The following GABBR2 variants were observed in gnomAD, a reference collection of about 807,000 sequenced individuals.
GABBR2 encodes G-protein coupled receptor 51.
GABBR2 carries 23 observed loss-of-function variants against 105.6 expected under a neutral mutation model. The observed-to-expected ratio is 0.22, with a 90% CI of 0.16 to 0.31. The LOEUF (loss-of-function observed/expected upper bound fraction) is 0.31. Ranked by LOEUF, GABBR2 falls within the 10% of genes least tolerant of loss-of-function variation. The pLI is 1.00. For synonymous variants in GABBR2, 478 were observed against 499.7 expected, an observed-to-expected ratio of 0.96 and a Z score of 0.58; for missense variants, 734 against 1,245.5, an observed-to-expected ratio of 0.59 and a Z score of 6.18.
Position 98,306,076 on chromosome 9 carries a change from T to G in GABBR2, c.2229+45A>C. ...AGAAAAGCCAGCAATGCCCCTGTGCTGGAGTCAGAGGGCAGAGGCCAGGTG... is the reference window on the plus strand; with the variant it reads ...AGAAAAGCCAGCAATGCCCCTGTGCGGGAGTCAGAGGGCAGAGGCCAGGTG... On this transcript the variant is annotated intron_variant, in intron 15 of 18. Coordinates refer to ENST00000259455, the MANE Select transcript of GABBR2 (RefSeq NM_005458.8). This position sits in a 1 kb window ranked among gnomAD's most constrained non-coding sequence, Gnocchi z 5.4. 2.3e-6 allele frequency: 3 copies of G among 1,333,300 alleles called. No homozygotes were observed. The highest frequency in any genetic ancestry group is 1.2e-5 in the South Asian group (1 of 83,942). 82.6% of individuals were successfully genotyped at this position (1,333,300 alleles called of 1,614,324 possible). A position where few individuals can be genotyped will look rare whatever the true frequency, so the allele number is the denominator to read the frequency against.
chr9:98,682,366 CTTTTTTTTTTTTTTT>C (rs58885676), intron 1 of GABBR2, among the ~76,000 whole-genome samples: 15 of 52,228 alleles, frequency 2.9e-4, no homozygotes, highest in Non-Finnish European at 4.7e-4. Flanking sequence ...ATTTTACCAT[CTTTTTTTTTTTTTTT>C]TTTTTTTTTT....
intron 2 of GABBR2, among the ~76,000 whole-genome samples, chr9:98,567,816 C>G (rs530228084): frequency 6.6e-6 from 1 of 152,132 alleles, no homozygotes; most frequent in Non-Finnish European, 1.5e-5. Flanking sequence ...CCCGGAGCTT[C>G]GGAATTCCAG....
chr9:98,415,791 A>C (rs926585981), intron 7 of GABBR2, among the ~76,000 whole-genome samples: 1 of 152,200 alleles, frequency 6.6e-6, no homozygotes, highest in African/African-American at 2.4e-5. Context: ...GGGTCACATA[A>C]CGAGTAGGCA....
chr9:98,690,318 G>A lies in GABBR2; in HGVS notation c.321+18099C>T, dbSNP rs79998170. Among the ~76,000 whole-genome samples, 489 of 152,194 alleles carry A rather than the reference G, an allele frequency of 3.2e-3. 10 individuals are homozygous for A. In the East Asian group the frequency reaches 0.039, roughly 12 times the overall value. ...ACCAAGCCTTCCAAGATCCAACCCC[G>A]TATTCTGAACACATCCTTCCTTTCC... is the stretch of plus-strand genomic sequence containing the variant. On this transcript the variant is annotated intron_variant, in intron 1 of 18. Coordinates refer to ENST00000259455, the MANE Select transcript of GABBR2 (RefSeq NM_005458.8).
intron 3 of GABBR2, among the ~76,000 whole-genome samples, chr9:98,498,904 C>A (rs1005096301): frequency 6.6e-6 from 1 of 152,244 alleles, no homozygotes; most frequent in Non-Finnish European, 1.5e-5. Flanking sequence ...GGAAAACATG[C>A]ACATGTGGCC....
At chr9:98,485,769 G>A (rs557338068) in intron 4 of GABBR2, among the ~76,000 whole-genome samples, 21 of 152,180 alleles carry the variant, frequency 1.4e-4, no homozygotes, top group Non-Finnish European at 1.5e-5. Context: ...CTTCCCAGGT[G>A]CAGTCCCCTC....
intron 2 of GABBR2, among the ~76,000 whole-genome samples, chr9:98,549,877 C>T (rs775342051): frequency 2.6e-5 from 4 of 152,186 alleles, no homozygotes; most frequent in Non-Finnish European, 4.4e-5. Flanking sequence ...ACCCAATCTA[C>T]GACCAGACCA....
chr9:98,515,408 A>T (rs111387572), intron 3 of GABBR2, among the ~76,000 whole-genome samples: 71 of 152,276 alleles, frequency 4.7e-4, no homozygotes, highest in African/African-American at 1.7e-3. Context: ...CTTTTCTGAG[A>T]CCCTGGGAAA....
At chr9:98,557,708 T>C (rs1321660888) in intron 2 of GABBR2, among the ~76,000 whole-genome samples, 1 of 152,220 alleles carries the variant, frequency 6.6e-6, no homozygotes, top group African/African-American at 2.4e-5. Flanking sequence ...CAGATGACTA[T>C]TTTATACCCT....
At chr9:98,415,259 C>T (rs1832667633) in intron 7 of GABBR2, among the ~76,000 whole-genome samples, 1 of 151,890 alleles carries the variant, frequency 6.6e-6, no homozygotes, top group Non-Finnish European at 1.5e-5. Flanking sequence ...ATTTTAATAA[C>T]AAGAAAACTT....
intron 1 of GABBR2, among the ~76,000 whole-genome samples, chr9:98,581,571 C>G (rs1309162808): frequency 6.6e-6 from 1 of 151,964 alleles, no homozygotes; most frequent in African/African-American, 2.4e-5. Context: ...CTGGGGCCCT[C>G]TATTAATTAT....
At chr9:98,491,709 CTCT>C (rs775455513) in intron 4 of GABBR2, among the ~76,000 whole-genome samples, 1 of 152,204 alleles carries the variant, frequency 6.6e-6, no homozygotes, top group African/African-American at 2.4e-5. Context: ...AAAAATTCAT[CTCT>C]TCTTAGGCCT....
chr9:98,672,565 C>A (rs1830420580), intron 1 of GABBR2, among the ~76,000 whole-genome samples: 2 of 152,248 alleles, frequency 1.3e-5, no homozygotes, highest in Non-Finnish European at 2.9e-5. Flanking sequence ...GCACAGCATT[C>A]TGCTGAAGCC....
chr9:98,680,610 CTAT>C (rs1482878775), intron 1 of GABBR2, among the ~76,000 whole-genome samples: 3 of 152,090 alleles, frequency 2.0e-5, no homozygotes, highest in African/African-American at 7.2e-5. Flanking sequence ...TGCCCGGCCT[CTAT>C]TATTATTTTT....
At chr9:98,706,351 C>G (rs897299633) in intron 1 of GABBR2, among the ~76,000 whole-genome samples, 1 of 152,196 alleles carries the variant, frequency 6.6e-6, no homozygotes, top group South Asian at 2.1e-4. Context: ...ACCAGTTTCT[C>G]ACTAAAACCC....
chr9:98,704,424 G>A (rs1830868798), intron 1 of GABBR2, among the ~76,000 whole-genome samples: 1 of 152,118 alleles, frequency 6.6e-6, no homozygotes, highest in South Asian at 2.1e-4. Context: ...AGTAACACAT[G>A]AGAAAACATA....
Position 98,436,339 on chromosome 9 carries a change from C to T in GABBR2, c.1236+17642G>A, listed in dbSNP as rs1223426899. On this transcript the variant is annotated intron_variant, in intron 7 of 18. Coordinates refer to ENST00000259455, the MANE Select transcript of GABBR2 (RefSeq NM_005458.8). ...TACCATATATATATATATACACACA[C>T]ACACACACCATATATATATATATAT... Among the ~76,000 whole-genome samples, 92 of 68,342 alleles carry T rather than the reference C, an allele frequency of 1.3e-3. 6 individuals are homozygous for T. Among genetic ancestry groups the T allele is most frequent in the East Asian group, 8.3e-3 (9 of 1,084 alleles). The allele number at this position is 68,342 out of a possible 152,430, so 44.8% of individuals were successfully genotyped here. A position where few individuals can be genotyped will look rare whatever the true frequency, so the allele number is the denominator to read the frequency against.
intron 7 of GABBR2, among the ~76,000 whole-genome samples, chr9:98,449,601 C>T (rs977683403): frequency 6.6e-5 from 10 of 152,188 alleles, no homozygotes; most frequent in African/African-American, 1.2e-4. Flanking sequence ...ATGAAGCGCC[C>T]TGGAAGATTC....
chr9:98,336,736 T>C (rs998523637), intron 13 of GABBR2, among the ~76,000 whole-genome samples: 1 of 152,126 alleles, frequency 6.6e-6, no homozygotes, highest in Non-Finnish European at 1.5e-5. Context: ...GAATGGCAGA[T>C]GTAAATCCTG....
Sources: gnomAD v4.1 joint callset for allele counts (sites outside exome capture counted in the v4.1 genomes callset) on GRCh38, gnomAD v4.1.1 for gene constraint, Gnocchi (gnomAD v3.1) non-coding constraint, MANE v1.5 for transcripts, NCBI Gene and HGNC (gene_info 2026-07-23, HGNC 2026-07-21) for gene names.